KCNH4: variants seen among roughly 807,000 people sequenced by gnomAD.
The protein encoded by KCNH4 is potassium voltage-gated channel subfamily H member 4.
In KCNH4, 33 loss-of-function variants were observed where a neutral mutation model predicts 90.7. The ratio of observed to expected loss-of-function variants is 0.36; its 90% CI spans 0.28 to 0.49. KCNH4 has a LOEUF of 0.49. KCNH4 is among the 20% of genes least tolerant of loss of function. The probability of loss-of-function intolerance (pLI) is 0.98; values close to 1 mark genes in which losing one functional copy is unlikely to be tolerated. For synonymous variants in KCNH4, 551 were observed against 581.7 expected (o/e 0.95, Z 0.76); for missense variants, 1,044 against 1,387.1 (o/e 0.75, Z 3.93).
At position 42,163,127 on chromosome 17, in the gene KCNH4, G is replaced by C. The variant is rs1598268073; in HGVS notation, c.2584+101C>G. The C allele has an allele frequency of 1.2e-6, 1 of 817,334 alleles. No homozygotes were observed. Among genetic ancestry groups the C allele is most frequent in the East Asian group, 2.4e-5 (1 of 41,044 alleles). 50.6% of individuals were successfully genotyped at this position (817,334 alleles called of 1,614,324 possible). A position where few individuals can be genotyped will look rare whatever the true frequency, so the allele number is the denominator to read the frequency against. ...GTCTGTTTTATCTGTGTATTCCCAG[G>C]ATGGCACCTGGCACATGGTAGGCCC... On this transcript the variant is annotated intron_variant, in intron 14 of 16. Transcript: ENST00000264661. The surrounding 1 kb of genome is among the most constrained non-coding windows in gnomAD (Gnocchi z 5.4).
intron 4 of KCNH4, among the ~76,000 whole-genome samples, chr17:42,176,970 C>A (rs953835055): frequency 6.6e-6 from 1 of 152,232 alleles, no homozygotes; most frequent in Non-Finnish European, 1.5e-5. Context: ...TAACTCACTG[C>A]AGCCTTAAAC....
At chr17:42,174,104 C>T (rs1054019128) in intron 6 of KCNH4, among the ~76,000 whole-genome samples, 1 of 152,062 alleles carries the variant, frequency 6.6e-6, no homozygotes, top group East Asian at 1.9e-4. Flanking sequence ...ACTACAGGTA[C>T]GTGCCAGCAC....
chr17:42,162,397 G>A (rs893119860), intron 14 of KCNH4, 76 bp from the exon 15 acceptor site: 1 of 1,289,564 alleles, frequency 7.8e-7, no homozygotes, highest in South Asian at 1.2e-5. Flanking sequence ...GAATCCTCCT[G>A]TCATTGGGCA....
chr17:42,172,304 G>A (rs1014770035), intron 6 of KCNH4, among the ~76,000 whole-genome samples: 3 of 151,328 alleles, frequency 2.0e-5, no homozygotes, highest in Admixed American at 6.6e-5. Context: ...CCAGGTTCAA[G>A]CGATTCAAGG....
At chr17:42,178,675 CGT>C (rs2079880020) in intron 2 of KCNH4, 116 bp downstream of exon 2, 3 of 1,135,132 alleles carry the variant, frequency 2.6e-6, no homozygotes, top group Non-Finnish European at 3.7e-6. Flanking sequence ...GGATACGCTC[CGT>C]CACAGTCAGC....
chr17:42,167,682 CCT>C (rs936144781), intron 9 of KCNH4, among the ~76,000 whole-genome samples: 16 of 152,210 alleles, frequency 1.1e-4, no homozygotes, highest in Non-Finnish European at 7.3e-5. Context: ...CCATCTTCCC[CCT>C]GTTATGCCTC....
rs148742020 is a variant in KCNH4, at chr17:42,160,655, A to G, written c.2659-220T>C. Among the ~76,000 whole-genome samples, 327 of 152,052 alleles carry G rather than the reference A, an allele frequency of 2.2e-3. 3 individuals are homozygous for G. The highest frequency in any genetic ancestry group is 6.8e-3 in the Middle Eastern group (2 of 294). On this transcript the variant is annotated intron_variant, in intron 15 of 16. Transcript: ENST00000264661. ...ATTGCTATTCCTCCCCTACACACAC[A>G]CGCGCGCGCGAGCTTTCCCAAGATG...
chr17:42,166,749 C>T (rs895975807), intron 9 of KCNH4, among the ~76,000 whole-genome samples: 2 of 152,122 alleles, frequency 1.3e-5, no homozygotes, highest in African/African-American at 4.8e-5. Flanking sequence ...GGGGCAGAGA[C>T]CAGGTCTTCT....
At position 42,175,562 on chromosome 17, in the gene KCNH4, G is replaced by A; in HGVS notation, c.987+17C>T. On this transcript the variant is annotated intron_variant, in intron 6 of 16. Coordinates refer to ENST00000264661, the MANE Select transcript of KCNH4 (RefSeq NM_012285.3). ...AGTTGGGAGGTTGGACTGGATGGCGGGATGGAGGTCACTCACCACGGTGAT... is the reference window on the plus strand; with the variant it reads ...AGTTGGGAGGTTGGACTGGATGGCGAGATGGAGGTCACTCACCACGGTGAT... 10 of 1,614,082 alleles carry A rather than the reference G, an allele frequency of 6.2e-6. No individual in the cohort carries two copies. The highest frequency in any genetic ancestry group is 8.5e-6 in the Non-Finnish European group (10 of 1,179,950).
At position 42,180,827 on chromosome 17, in the gene KCNH4, C is replaced by A; in HGVS notation, c.76+43G>T. ...TCCGAGACGGCCCCGAGGATACTTG[C>A]CCCCCAGCTCGAACCTCAAGCCCCG... On this transcript the variant is annotated intron_variant, in intron 1 of 16. Coordinates refer to ENST00000264661, the MANE Select transcript of KCNH4 (RefSeq NM_012285.3). This position sits in a 1 kb window ranked among gnomAD's most constrained non-coding sequence, Gnocchi z 4.7. 1 of 1,583,140 alleles carries A rather than the reference C, an allele frequency of 6.3e-7. No homozygotes were observed. The highest frequency in any genetic ancestry group is 8.7e-7 in the Non-Finnish European group (1 of 1,152,362).
chr17:42,163,172 T>C lies in KCNH4; in HGVS notation c.2584+56A>G. 1 of 1,205,052 alleles carries C rather than the reference T, an allele frequency of 8.3e-7. No homozygotes were observed. Among genetic ancestry groups the C allele is most frequent in the Non-Finnish European group, 1.2e-6 (1 of 808,040 alleles). 74.6% of individuals were successfully genotyped at this position (1,205,052 alleles called of 1,614,324 possible). ...AGGCCCCTACTACATATGGGATGGA[T>C]GGACAGGTGGATGGGCAGATGGATG... On this transcript the variant is annotated intron_variant, in intron 14 of 16. Transcript: ENST00000264661. The surrounding 1 kb of genome is among the most constrained non-coding windows in gnomAD (Gnocchi z 5.4).
At position 42,178,145 on chromosome 17, in the gene KCNH4, G is replaced by T. The variant is rs778587156; in HGVS notation, c.540C>A (p.Thr180=). 6.2e-7 allele frequency: 1 copy of T among 1,614,170 alleles called. No homozygotes were observed. Among genetic ancestry groups the T allele is most frequent in the South Asian group, 1.1e-5 (1 of 91,084 alleles). ...CCTGGCCCCGGCGGCCAAAGTGGCCGGTCAGTCGGTGTAGGACAGTACGGC... is the reference window on the plus strand; with the variant it reads ...CCTGGCCCCGGCGGCCAAAGTGGCCTGTCAGTCGGTGTAGGACAGTACGGC... ...RRSRTVLHRL[T]GHFGRRGQGG... is the part of the protein sequence containing the mutation. The change falls in exon 4 of 17, where the codon ACC becomes ACA. Residue 180 remains threonine (T), a synonymous_variant. Transcript: ENST00000264661.
intron 16 of KCNH4, among the ~76,000 whole-genome samples, chr17:42,158,324 A>G (rs56319254): frequency 1.3e-5 from 2 of 150,958 alleles, no homozygotes; most frequent in Non-Finnish European, 3.0e-5. Context: ...AGGTCAGGAG[A>G]TCGAGACCAT....
At chr17:42,169,920 C>T (rs577486851) in intron 8 of KCNH4, among the ~76,000 whole-genome samples, 187 bp downstream of exon 8, 26 of 152,350 alleles carry the variant, frequency 1.7e-4, no homozygotes, top group Non-Finnish European at 3.4e-4. Context: ...CAAAAGTCCA[C>T]GCCTGTTTGT....
chr17:42,165,353 T>A lies in KCNH4; in HGVS notation c.2085+96A>T. 5.4e-6 allele frequency: 8 copies of A among 1,490,540 alleles called. No homozygotes were observed. In the South Asian group the frequency reaches 1.0e-4, roughly 19 times the overall value. The allele number at this position is 1,490,540 out of a possible 1,614,324, so 92.3% of individuals were successfully genotyped here. A position where few individuals can be genotyped will look rare whatever the true frequency, so the allele number is the denominator to read the frequency against. On this transcript the variant is annotated intron_variant, in intron 11 of 16. Coordinates refer to ENST00000264661, the MANE Select transcript of KCNH4 (RefSeq NM_012285.3). ...TGCCTGGGCTTCAGGCATGTGTTTT[T>A]AGGGTGGAGGGAGGTTCATGGGACT...
intron 9 of KCNH4, among the ~76,000 whole-genome samples, chr17:42,168,917 G>A (rs982155761): frequency 1.3e-4 from 19 of 151,600 alleles, no homozygotes; most frequent in African/African-American, 4.6e-4. Flanking sequence ...GACTATAGGT[G>A]CACGCTGCCA....
In KCNH4 at chr17:42,163,632, G is replaced by T; in HGVS notation, c.2451C>A (p.Thr817=). The T allele has an allele frequency of 6.7e-7, 1 of 1,496,098 alleles. No individual in the cohort carries two copies. The highest frequency in any genetic ancestry group is 9.0e-7 in the Non-Finnish European group (1 of 1,117,170). The allele number at this position is 1,496,098 out of a possible 1,614,324, so 92.7% of individuals were successfully genotyped here. ...GGGGACTGAGGTCCGGAGGTCCAAA[G>T]GTTCCCAGTGGGGGAATGAGAAGCT... ...PPQLLIPPLG[T]FGPPDLSPRI... The change falls in exon 13 of 17, where the codon ACC becomes ACA. Residue 817 remains threonine, a synonymous_variant. Transcript: ENST00000264661. This position sits in a 1 kb window ranked among gnomAD's most constrained non-coding sequence, Gnocchi z 5.4.
Position 42,160,148 on chromosome 17 carries a change from G to A in KCNH4, c.2946C>T (p.Tyr982=). ...GTCCCAGAGGGTCAGGCTCTGAGGG[G>A]TAGGGGGGCAATATGGAAGGTCTCA... The part of the protein sequence containing the change: ...LDLRPSILPP[Y]PSEPDPLGPS... Residue 982 remains tyrosine, a synonymous_variant, in exon 16 of 17, where the codon TAC becomes TAT. Transcript: ENST00000264661. 6.2e-7 allele frequency: 1 copy of A among 1,611,928 alleles called. No individual in the cohort carries two copies. Among genetic ancestry groups the A allele is most frequent in the Non-Finnish European group, 8.5e-7 (1 of 1,178,704 alleles).
At position 42,180,741 on chromosome 17, in the gene KCNH4, A is replaced by C. The variant is rs1384244650; in HGVS notation, c.76+129T>G. ...CCTGTTCCTGCACCGCGGCTTTGGGAGTTCCTAGACCCGCACCTCCATTCT... is the reference window on the plus strand; with the variant it reads ...CCTGTTCCTGCACCGCGGCTTTGGGCGTTCCTAGACCCGCACCTCCATTCT... On this transcript the variant is annotated intron_variant, in intron 1 of 16. Transcript: ENST00000264661. This position sits in a 1 kb window ranked among gnomAD's most constrained non-coding sequence, Gnocchi z 4.7. 3 of 899,786 alleles carry C rather than the reference A, an allele frequency of 3.3e-6. No individual in the cohort carries two copies. Among genetic ancestry groups the C allele is most frequent in the Non-Finnish European group, 5.2e-6 (3 of 575,018 alleles). The allele number at this position is 899,786 out of a possible 1,614,324, so 55.7% of individuals were successfully genotyped here.
Sources: allele counts gnomAD v4.1 joint callset (sites outside exome capture counted in the v4.1 genomes callset), GRCh38; gene constraint gnomAD v4.1.1; non-coding constraint Gnocchi (gnomAD v3.1); transcripts MANE v1.5; gene names NCBI Gene and HGNC (gene_info 2026-07-23, HGNC 2026-07-21).